MACROD2: variants seen among roughly 807,000 people sequenced by gnomAD.
MACROD2 encodes the protein mono-ADP ribosylhydrolase 2, also known as ADP-ribose glycohydrolase MACROD2.
A neutral mutation model predicts 70.4 loss-of-function variants in MACROD2; 36 were observed. The observed-to-expected ratio is 0.51, with a 90% CI of 0.39 to 0.68. MACROD2 has a LOEUF of 0.68. Among genes scored for constraint, MACROD2 ranks in the 30% least tolerant of loss-of-function variants. MACROD2 has a pLI of 0.00. For synonymous variants in MACROD2, 172 were observed against 178.8 expected, an observed-to-expected ratio of 0.96 and a Z score of 0.30; for missense variants, 496 against 538.4, an observed-to-expected ratio of 0.92 and a Z score of 0.78.
At chr20:15,563,943 G>A (rs1323985348) in intron 8 of MACROD2, among the ~76,000 whole-genome samples, 2 of 152,104 alleles carry the variant, frequency 1.3e-5, no homozygotes, top group African/African-American at 4.8e-5. Flanking sequence ...TTCCGTGTGT[G>A]TTATTTCATA....
chr20:14,510,472 A>T, intron 4 of MACROD2, among the ~76,000 whole-genome samples: 1 of 152,126 alleles, frequency 6.6e-6, no homozygotes, highest in East Asian at 1.9e-4. Flanking sequence ...CAGATGGAAC[A>T]GTTGCCAGTT....
rs148088853 is a variant in MACROD2, at chr20:15,844,682, G to A, written c.646-18063G>A. On this transcript the variant is annotated intron_variant, in intron 8 of 17. Coordinates refer to ENST00000684519, the MANE Select transcript of MACROD2 (RefSeq NM_001351661.2). ...CCTGGAAAACAAGACAATTTCTGTC[G>A]TACACATCCTGTGTCCTTCTCAACC... Among the ~76,000 whole-genome samples, 270 of 152,166 alleles carry A rather than the reference G, an allele frequency of 1.8e-3. 1 individual carries two copies. The highest frequency in any genetic ancestry group is 6.1e-3 in the African/African-American group (254 of 41,518).
intron 5 of MACROD2, among the ~76,000 whole-genome samples, chr20:15,208,659 C>A (rs958546762): frequency 1.3e-5 from 2 of 152,104 alleles, no homozygotes. Flanking sequence ...TCCAGGGAGG[C>A]AGGGGTGTTT....
chr20:15,234,592 A>G (rs1803959824), intron 6 of MACROD2, among the ~76,000 whole-genome samples: 1 of 152,206 alleles, frequency 6.6e-6, no homozygotes, highest in African/African-American at 2.4e-5. Context: ...GCATAGTCAG[A>G]CCAGTGAAAT....
At chr20:15,454,938 G>A (rs2046701463) in intron 7 of MACROD2, among the ~76,000 whole-genome samples, 1 of 152,100 alleles carries the variant, frequency 6.6e-6, no homozygotes, top group Admixed American at 6.6e-5. Flanking sequence ...CTTGTGCTGT[G>A]TTAGATGTTT....
intron 8 of MACROD2, among the ~76,000 whole-genome samples, chr20:15,611,869 G>A (rs537333995): frequency 8.9e-5 from 13 of 145,514 alleles, no homozygotes; most frequent in Middle Eastern, 3.2e-3. Flanking sequence ...ACGTAGTGGG[G>A]ATTGGGCATC....
chr20:14,609,618 A>C (rs769014053), intron 4 of MACROD2, among the ~76,000 whole-genome samples: 10 of 152,152 alleles, frequency 6.6e-5, no homozygotes, highest in Non-Finnish European at 1.3e-4. Flanking sequence ...TTGAAATACC[A>C]AATAGGAGTA....
chr20:15,012,955 G>A (rs534263053), intron 5 of MACROD2, among the ~76,000 whole-genome samples: 3 of 152,296 alleles, frequency 2.0e-5, no homozygotes, highest in Admixed American at 2.0e-4. Flanking sequence ...CTTGCCATGT[G>A]CCAGGGCCTA....
rs551370722 is a variant in MACROD2 at position 14,013,122 on chromosome 20, A to G, written c.163+10718A>G. 3.3e-5 allele frequency among the ~76,000 whole-genome samples: 5 copies of G among 151,950 alleles called. No individual in the cohort carries two copies. In the South Asian group the frequency reaches 1.0e-3, roughly 32 times the overall value. On this transcript the variant is annotated intron_variant, in intron 2 of 17. Transcript: ENST00000684519. Reference sequence around the variant, plus strand: ...CATGACATACTTTTTCTTAATTTTCATATTTCTAGACTATGTGGTTTGTCT... The same window carrying G: ...CATGACATACTTTTTCTTAATTTTCGTATTTCTAGACTATGTGGTTTGTCT...
intron 4 of MACROD2, among the ~76,000 whole-genome samples, chr20:14,495,481 T>C (rs1600302091): frequency 6.6e-6 from 1 of 152,204 alleles, no homozygotes; most frequent in East Asian, 1.9e-4. Context: ...TCCTAGCATG[T>C]AGTCTTTTAT....
At chr20:14,292,295 A>C (rs1309097568) in intron 3 of MACROD2, among the ~76,000 whole-genome samples, 2 of 151,842 alleles carry the variant, frequency 1.3e-5, no homozygotes, top group African/African-American at 4.9e-5. Context: ...CTTGGGAGAC[A>C]CTTACCAATG....
intron 8 of MACROD2, among the ~76,000 whole-genome samples, chr20:15,555,840 AAAAAAAAAAAAAAAG>A (rs904415118): frequency 1.3e-5 from 2 of 148,390 alleles, no homozygotes; most frequent in African/African-American, 2.5e-5. Flanking sequence ...AAAAAAAAAA[AAAAAAAAAAAAAAAG>A]GAAAAGAAAA....
chr20:15,046,006 C>G (rs1035288956), intron 5 of MACROD2, among the ~76,000 whole-genome samples: 3 of 151,982 alleles, frequency 2.0e-5, no homozygotes, highest in Admixed American at 6.6e-5. Flanking sequence ...GCAAGTCCAG[C>G]CTTCTCCTCT....
chr20:15,552,018 G>T (rs1205600458), intron 8 of MACROD2: 1 of 151,794 alleles, frequency 6.6e-6, no homozygotes, highest in Non-Finnish European at 1.5e-5. Flanking sequence ...TTTCTTCAAG[G>T]AAATCTATGA....
At chr20:14,190,622 A>G (rs143778132) in intron 3 of MACROD2, among the ~76,000 whole-genome samples, 1,710 of 139,924 alleles carry the variant, frequency 0.012, 29 homozygotes, top group African/African-American at 0.043. Context: ...ATCTTTGTAT[A>G]GCTTTATTTT....
chr20:14,611,457 T>TC (rs1198054607), intron 4 of MACROD2, among the ~76,000 whole-genome samples: 3 of 151,096 alleles, frequency 2.0e-5, no homozygotes, highest in Non-Finnish European at 4.4e-5. Context: ...CTGAGGTTTT[T>TC]TTTTTTTTTT....
At chr20:16,021,037 T>A (rs563647009) in intron 15 of MACROD2, among the ~76,000 whole-genome samples, 1 of 152,234 alleles carries the variant, frequency 6.6e-6, no homozygotes, top group African/African-American at 2.4e-5. Flanking sequence ...ATCCACCAAC[T>A]GAATCAGTCC....
intron 8 of MACROD2, among the ~76,000 whole-genome samples, chr20:15,743,202 A>G (rs6043501): frequency 0.31 from 47,078 of 151,922 alleles, 10,285 homozygotes; most frequent in African/African-American, 0.63. Context: ...TGATATATGA[A>G]CATTTCAGCG....
intron 3 of MACROD2, among the ~76,000 whole-genome samples, chr20:14,357,261 C>G (rs1207155462): frequency 6.6e-6 from 1 of 152,176 alleles, no homozygotes; most frequent in Non-Finnish European, 1.5e-5. Flanking sequence ...GCTTTCTTAT[C>G]CACTAACAGC....
Sources: allele counts gnomAD v4.1 joint callset (sites outside exome capture counted in the v4.1 genomes callset), GRCh38; gene constraint gnomAD v4.1.1; transcripts MANE v1.5; gene names NCBI Gene and HGNC (gene_info 2026-07-23, HGNC 2026-07-21).